The following NAA80 variants were observed in gnomAD, a reference collection of about 807,000 sequenced individuals.
NAA80 encodes the protein N-alpha-acetyltransferase 80, NatH catalytic subunit, also known as N-alpha-acetyltransferase 80.
A neutral mutation model predicts 8.7 loss-of-function variants in NAA80; 5 were observed. That is an observed-to-expected ratio of 0.58 (90% CI 0.30 to 1.21). The LOEUF (loss-of-function observed/expected upper bound fraction) is 1.21, where lower values mean the gene tolerates loss of function less well. Ranked by LOEUF, NAA80 falls within the 50% of genes most tolerant of loss-of-function variation. The pLI is 0.07. For synonymous variants in NAA80, 149 were observed against 156.6 expected (o/e 0.95, Z 0.36); for missense variants, 360 against 368.6 (o/e 0.98, Z 0.19).
Position 50,296,826 on chromosome 3 carries a change from G to A in NAA80, c.638C>T (p.Pro213Leu), listed in dbSNP as rs1701866843. 6.3e-7 allele frequency: 1 copy of A among 1,584,834 alleles called. No homozygotes were observed. Among genetic ancestry groups the A allele is most frequent in the Non-Finnish European group, 8.6e-7 (1 of 1,166,114 alleles). Residue 213 changes from proline (P) to leucine (L), a missense_variant, in exon 2 of 2, where the codon CCC (proline) becomes CTC (leucine). Pro to Leu is a moderately conservative substitution (Grantham distance 98). Coordinates refer to ENST00000443094, the MANE Select transcript of NAA80 (RefSeq NM_001200016.2). ...GGGTGGCCGGGGAGAGGGGGCTGTGGGGAAGGCATTAAGCAGGGTGGCAGG... is the reference window on the plus strand; with the variant it reads ...GGGTGGCCGGGGAGAGGGGGCTGTGAGGAAGGCATTAAGCAGGGTGGCAGG... ...RLPATLLNAF[P>L]TAPSPRPPRK... is the part of the protein sequence containing the mutation.
chr3:50,298,743 C>T, intron 1 of NAA80: 3 of 1,016,696 alleles, frequency 3.0e-6, no homozygotes, highest in Non-Finnish European at 3.5e-6. Context: ...GAGCTTGAGG[C>T]CAATTAAACA....
chr3:50,297,166 C>T lies in NAA80; in HGVS notation c.298G>A (p.Ala100Thr). 1 of 1,605,590 alleles carries T rather than the reference C, an allele frequency of 6.2e-7. No individual in the cohort carries two copies. The highest frequency in any genetic ancestry group is 8.5e-7 in the Non-Finnish European group (1 of 1,175,062). ...RLHSLGQSSDAFPLCLMLLSP... is the reference protein window; with the variant it reads ...RLHSLGQSSDTFPLCLMLLSP... ...AGCAGCATCAGGCAGAGGGGGAAGG[C>T]ATCTGAGGACTGGCCCAGGGAGTGC... Residue 100 changes from alanine to threonine, a missense_variant, in exon 2 of 2, where the codon GCC (alanine) becomes ACC (threonine). Physicochemically the swap from Ala to Thr is moderately conservative, Grantham distance 58. Transcript: ENST00000443094. The surrounding 1 kb of genome is among the most constrained non-coding windows in gnomAD (Gnocchi z 4.3).
chr3:50,298,056 G>A, intron 1 of NAA80: 1 of 985,646 alleles, frequency 1.0e-6, no homozygotes, highest in Non-Finnish European at 1.2e-6. Flanking sequence ...CTGGCCTTCT[G>A]TCTTCCAGTA....
chr3:50,296,501 C>T lies in NAA80; in HGVS notation c.*102G>A. 1 of 1,379,210 alleles carries T rather than the reference C, an allele frequency of 7.3e-7. No individual in the cohort carries two copies. The highest frequency in any genetic ancestry group is 9.9e-7 in the Non-Finnish European group (1 of 1,011,662). 85.4% of individuals were successfully genotyped at this position (1,379,210 alleles called of 1,614,324 possible). On this transcript the variant is annotated 3_prime_UTR_variant, in exon 2 of 2. Transcript: ENST00000443094. ...GGAAACATGCCCAGGTTAAAGCTGC[C>T]CCCCAGGGGCTAGGGGCTGAGGTAT...
At position 50,296,806 on chromosome 3, in the gene NAA80, G is replaced by T; in HGVS notation, c.658C>A (p.Pro220Thr). 6.3e-7 allele frequency: 1 copy of T among 1,580,164 alleles called. No individual in the cohort carries two copies. Among genetic ancestry groups the T allele is most frequent in the Non-Finnish European group, 8.6e-7 (1 of 1,163,514 alleles). ...NAFPTAPSPR[P>T]PRKAPNLTAQ... is the part of the protein sequence containing the mutation. ...GTCAGGTTTGGGGCCTTCCTGGGTG[G>T]CCGGGGAGAGGGGGCTGTGGGGAAG... Residue 220 changes from proline (P) to threonine (T), a missense_variant, in exon 2 of 2, where the codon CCA becomes ACA. Coordinates refer to ENST00000443094, the MANE Select transcript of NAA80 (RefSeq NM_001200016.2).
chr3:50,297,042 A>G lies in NAA80; in HGVS notation c.422T>C (p.Val141Ala). Reference sequence around the variant, plus strand: ...GCCCCTCAGGGCCCGGGCCACCACCACTGTCTCCACTAAGAGGCTCTGGGG... The same window carrying G: ...GCCCCTCAGGGCCCGGGCCACCACCGCTGTCTCCACTAAGAGGCTCTGGGG... ...NQPQSLLVET[V>A]VVARALRGRG... is the part of the protein sequence containing the mutation. The change falls in exon 2 of 2, where the codon GTG becomes GCG. Residue 141 changes from valine to alanine, a missense_variant. Physicochemically the swap from Val to Ala is moderately conservative, Grantham distance 64. Transcript: ENST00000443094. The surrounding 1 kb of genome is among the most constrained non-coding windows in gnomAD (Gnocchi z 4.3). 1.3e-6 allele frequency: 2 copies of G among 1,537,302 alleles called. No individual in the cohort carries two copies. Among genetic ancestry groups the G allele is most frequent in the Non-Finnish European group, 1.7e-6 (2 of 1,145,236 alleles).
chr3:50,296,509 G>A lies in NAA80; in HGVS notation c.*94C>T, dbSNP rs1415584077. 4 of 1,421,584 alleles carry A rather than the reference G, an allele frequency of 2.8e-6. No homozygotes were observed. The South Asian group carries it at 5.1e-5, about 18-fold the overall frequency. 88.1% of individuals were successfully genotyped at this position (1,421,584 alleles called of 1,614,324 possible). A position where few individuals can be genotyped will look rare whatever the true frequency, so the allele number is the denominator to read the frequency against. On this transcript the variant is annotated 3_prime_UTR_variant, in exon 2 of 2. Transcript: ENST00000443094. ...GCCCAGGTTAAAGCTGCCCCCCAGGGGCTAGGGGCTGAGGTATGGTCAGTG... is the reference window on the plus strand; with the variant it reads ...GCCCAGGTTAAAGCTGCCCCCCAGGAGCTAGGGGCTGAGGTATGGTCAGTG...
Position 50,299,350 on chromosome 3 carries a change from C to T in NAA80, c.-347G>A. 6.4e-7 allele frequency: 1 copy of T among 1,562,654 alleles called. No individual in the cohort carries two copies. The highest frequency in any genetic ancestry group is 1.1e-5 in the South Asian group (1 of 87,566). ...GGCGGATGTTCTGCAGCCGTCGCGT[C>T]CTGCGGCACGCCACGGCGTTCTAAG... is the stretch of plus-strand genomic sequence containing the variant. On this transcript the variant is annotated 5_prime_UTR_variant, in exon 1 of 2. Coordinates refer to ENST00000443094, the MANE Select transcript of NAA80 (RefSeq NM_001200016.2).
intron 1 of NAA80, chr3:50,298,966 G>T (rs1553711829): frequency 1.4e-6 from 2 of 1,441,080 alleles, no homozygotes; most frequent in African/African-American, 2.8e-5. Context: ...GGGCTCCGGG[G>T]TCCTCAGAGA....
At chr3:50,298,717 TC>T (rs2109296963) in intron 1 of NAA80, 1 of 990,390 alleles carries the variant, frequency 1.0e-6, no homozygotes, top group African/African-American at 1.7e-5. Context: ...GCCTCCTGGC[TC>T]CCCTTACCTC....
chr3:50,297,674 T>A lies in NAA80; in HGVS notation c.-209-2A>T, dbSNP rs587618067. ...CTTCAGACCACAGTGGCTCTCCTCC[T>A]GTAGATAACAGCCATGCTGGGCTGT... On this transcript the variant is annotated splice_acceptor_variant, in intron 1 of 1. Coordinates refer to ENST00000443094, the MANE Select transcript of NAA80 (RefSeq NM_001200016.2). LOFTEE classifies it low-confidence loss of function (5UTR_SPLICE). The surrounding 1 kb of genome is among the most constrained non-coding windows in gnomAD (Gnocchi z 4.3). The A allele has an allele frequency of 1.4e-4, 193 of 1,392,422 alleles. No individual in the cohort carries two copies. In the African/African-American group the frequency reaches 2.7e-3, roughly 19 times the overall value. The allele number at this position is 1,392,422 out of a possible 1,614,324, so 86.3% of individuals were successfully genotyped here. A position where few individuals can be genotyped will look rare whatever the true frequency, so the allele number is the denominator to read the frequency against.
chr3:50,297,088 G>T lies in NAA80; in HGVS notation c.376C>A (p.Leu126Met). ...AAPVVVGHAR[L>M]SRVLNQPQSL... ...TGGGGCTGGTTCAGCACCCGTGACA[G>T]GCGGGCATGGCCCACCACAACGGGT... Residue 126 changes from leucine to methionine, a missense_variant, in exon 2 of 2, where the codon CTG becomes ATG. Transcript: ENST00000443094. This position sits in a 1 kb window ranked among gnomAD's most constrained non-coding sequence, Gnocchi z 4.3. 6.5e-7 allele frequency: 1 copy of T among 1,542,506 alleles called. No individual in the cohort carries two copies. The highest frequency in any genetic ancestry group is 1.4e-5 in the African/African-American group (1 of 72,860).
Position 50,296,843 on chromosome 3 carries a change from G to A in NAA80, c.621C>T (p.Thr207=). 6.3e-7 allele frequency: 1 copy of A among 1,587,842 alleles called. No individual in the cohort carries two copies. Among genetic ancestry groups the A allele is most frequent in the South Asian group, 1.1e-5 (1 of 87,010 alleles). Reference sequence around the variant, plus strand: ...GGGCTGTGGGGAAGGCATTAAGCAGGGTGGCAGGCAGCCGTCTGCTGGTGA... The same window carrying A: ...GGGCTGTGGGGAAGGCATTAAGCAGAGTGGCAGGCAGCCGTCTGCTGGTGA... ...LVFTSRRLPA[T]LLNAFPTAPS... is the part of the protein sequence containing the mutation. The change falls in exon 2 of 2, where the codon ACC becomes ACT. Residue 207 remains threonine (T), a synonymous_variant. Coordinates refer to ENST00000443094, the MANE Select transcript of NAA80 (RefSeq NM_001200016.2).
rs782151358 is a variant in NAA80, at chr3:50,297,127, T to G, written c.337A>C (p.Thr113Pro). 1.3e-6 allele frequency: 2 copies of G among 1,564,628 alleles called. No homozygotes were observed. Among genetic ancestry groups the G allele is most frequent in the Admixed American group, 1.8e-5 (1 of 54,660 alleles). ...ACCACAACGGGTGCTGCTTCAAGTG[T>G]GGGGTGGGGGCTTAGCAGCATCAGG... ...LCLMLLSPHP[T>P]LEAAPVVVGH... Residue 113 changes from threonine to proline, a missense_variant, in exon 2 of 2, where the codon ACA (threonine) becomes CCA (proline). Thr to Pro is a conservative substitution (Grantham distance 38, BLOSUM62 -1). Coordinates refer to ENST00000443094, the MANE Select transcript of NAA80 (RefSeq NM_001200016.2). This position sits in a 1 kb window ranked among gnomAD's most constrained non-coding sequence, Gnocchi z 4.3.
intron 1 of NAA80, chr3:50,298,784 A>C (rs1553711793): frequency 1.3e-5 from 14 of 1,067,482 alleles, no homozygotes; most frequent in Admixed American, 4.9e-5. Flanking sequence ...CCCTCCCCTC[A>C]CCTCCCACAC....
chr3:50,296,435 G>A lies in NAA80; in HGVS notation c.*168C>T, dbSNP rs1219765157. The stretch of plus-strand genomic sequence containing the variant: ...AGAGCCTTTATTCAGCCACACTGAC[G>A]GCTCTGAGCCAGAGCCACCTCCTGG... On this transcript the variant is annotated 3_prime_UTR_variant, in exon 2 of 2. Coordinates refer to ENST00000443094, the MANE Select transcript of NAA80 (RefSeq NM_001200016.2). 4 of 716,828 alleles carry A rather than the reference G, an allele frequency of 5.6e-6. No homozygotes were observed. Among genetic ancestry groups the A allele is most frequent in the African/African-American group, 5.4e-5 (3 of 55,500 alleles). The allele number at this position is 716,828 out of a possible 1,614,324, so 44.4% of individuals were successfully genotyped here. A position where few individuals can be genotyped will look rare whatever the true frequency, so the allele number is the denominator to read the frequency against.
chr3:50,296,769 G>A lies in NAA80; in HGVS notation c.695C>T (p.Ala232Val). The part of the protein sequence containing the change: ...RKAPNLTAQA[A>V]PRGPKGPPLP... ...TGGAGGTCCCTTGGGACCCCTTGGG[G>A]CAGCTTGGGCAGTCAGGTTTGGGGC... Residue 232 changes from alanine to valine, a missense_variant, in exon 2 of 2, where the codon GCC (alanine) becomes GTC (valine). Physicochemically the swap from Ala to Val is moderately conservative, Grantham distance 64. Transcript: ENST00000443094. The A allele has an allele frequency of 1.3e-6, 2 of 1,598,384 alleles. No individual in the cohort carries two copies. Among genetic ancestry groups the A allele is most frequent in the Non-Finnish European group, 1.7e-6 (2 of 1,172,336 alleles).
rs1553711483 is a variant in NAA80, at chr3:50,297,266, G to A, written c.198C>T (p.His66=). 6.2e-7 allele frequency: 1 copy of A among 1,609,378 alleles called. No homozygotes were observed. Among genetic ancestry groups the A allele is most frequent in the Non-Finnish European group, 8.5e-7 (1 of 1,177,052 alleles). ...SLAELTLEPV[H]RRPELLDACA... is the part of the protein sequence containing the mutation. ...AAGCATCCAGGAGCTCGGGTCGGCG[G>A]TGCACAGGCTCCAGGGTCAACTCAG... Residue 66 remains histidine, a synonymous_variant, in exon 2 of 2, where the codon CAC becomes CAT. Coordinates refer to ENST00000443094, the MANE Select transcript of NAA80 (RefSeq NM_001200016.2). The surrounding 1 kb of genome is among the most constrained non-coding windows in gnomAD (Gnocchi z 4.3).
intron 1 of NAA80, chr3:50,298,776 C>G: frequency 9.4e-7 from 1 of 1,068,378 alleles, no homozygotes; most frequent in Non-Finnish European, 1.1e-6. Context: ...AGGCACCCCC[C>G]TCCCCTCACC....
Sources: gnomAD v4.1 joint callset for allele counts on GRCh38, gnomAD v4.1.1 for gene constraint, Gnocchi (gnomAD v3.1) non-coding constraint, MANE v1.5 for transcripts, NCBI Gene and HGNC (gene_info 2026-07-23, HGNC 2026-07-21) for gene names.